Variants in TSHZ3 observed in about 807,000 individuals in gnomAD.
TSHZ3 encodes teashirt zinc finger homeobox 3.
A neutral mutation model predicts 64.5 loss-of-function variants in TSHZ3; 10 were observed. The observed-to-expected ratio is 0.16, with a 90% CI of 0.10 to 0.26. The LOEUF (loss-of-function observed/expected upper bound fraction) is 0.26. Among genes scored for constraint, TSHZ3 ranks in the 10% least tolerant of loss-of-function variants. TSHZ3 has a pLI of 1.00. For synonymous variants in TSHZ3, 608 were observed against 593.1 expected (o/e 1.03, Z -0.36); for missense variants, 1,242 against 1,421.7 (o/e 0.87, Z 2.03).
intron 1 of TSHZ3, among the ~76,000 whole-genome samples, chr19:31,301,720 C>T (rs769616741): frequency 5.3e-5 from 8 of 152,084 alleles, no homozygotes; most frequent in Non-Finnish European, 7.4e-5. Context: ...CGGATTTTTC[C>T]GGACATGTTT....
chr19:31,166,152 G>T (rs888734633), intron 5 of TSHZ3, among the ~76,000 whole-genome samples: 1 of 152,186 alleles, frequency 6.6e-6, no homozygotes, highest in East Asian at 1.9e-4. Context: ...ACAGTGCTCG[G>T]GGCTGGGAGG....
chr19:31,347,221 G>A (rs2145204911), intron 1 of TSHZ3, among the ~76,000 whole-genome samples: 2 of 149,894 alleles, frequency 1.3e-5, no homozygotes, highest in East Asian at 2.0e-4. Flanking sequence ...GAAAAGGTTA[G>A]TGAACAGGTT....
rs548048088 is a variant in TSHZ3, at chr19:31,216,711, A to G, written n.686+11294T>C. ...GAGTGCAGTGGTGCGATCTCGGCTCACTGCAAGCTCTGCCTCCCGGGTTCA... is the reference window on the plus strand; with the variant it reads ...GAGTGCAGTGGTGCGATCTCGGCTCGCTGCAAGCTCTGCCTCCCGGGTTCA... On this transcript the variant is annotated intron_variant and non_coding_transcript_variant, in intron 4 of 6. Transcript: ENST00000651361. 3.4e-4 allele frequency among the ~76,000 whole-genome samples: 51 copies of G among 152,178 alleles called. No homozygotes were observed. The South Asian group carries it at 0.011, about 32-fold the overall frequency.
chr19:31,251,627 C>G (rs1040372754), intron 1 of TSHZ3, among the ~76,000 whole-genome samples: 1 of 152,182 alleles, frequency 6.6e-6, no homozygotes. Flanking sequence ...CCAACCCTGC[C>G]GTGATATGGG....
At chr19:31,254,770 C>T (rs573028584) in intron 1 of TSHZ3, among the ~76,000 whole-genome samples, 2 of 152,240 alleles carry the variant, frequency 1.3e-5, no homozygotes, top group Admixed American at 1.3e-4. Context: ...GGGGCTAGTG[C>T]GTGTCTAAGG....
chr19:31,283,944 C>G lies in TSHZ3; in HGVS notation c.41-4192G>C, dbSNP rs541479018. Among the ~76,000 whole-genome samples the G allele has an allele frequency of 3.9e-5, 6 of 152,276 alleles. No homozygotes were observed. In the East Asian group the frequency reaches 9.7e-4, roughly 25 times the overall value. On this transcript the variant is annotated intron_variant, in intron 1 of 1. Coordinates refer to ENST00000240587, the MANE Select transcript of TSHZ3 (RefSeq NM_020856.4). ...CAACAGGGGTGTGGGGCAGGGCTGTCGAGAACCTGGTCCCCACCAGGCTGG... is the reference window on the plus strand; with the variant it reads ...CAACAGGGGTGTGGGGCAGGGCTGTGGAGAACCTGGTCCCCACCAGGCTGG...
rs1396721308 is a variant in TSHZ3, at chr19:31,156,669, C to T, written n.810-252G>A. On this transcript the variant is annotated intron_variant and non_coding_transcript_variant, in intron 5 of 6. Transcript: ENST00000651361. ...TGATTTCCTGCATTGCAAAATCATT[C>T]CCAGGGTCATCAGTATCAAAGCCAA... Among the ~76,000 whole-genome samples, 3 of 152,144 alleles carry T rather than the reference C, an allele frequency of 2.0e-5. 1 individual carries two copies. The highest frequency in any genetic ancestry group is 2.9e-5 in the Non-Finnish European group (2 of 68,028).
At chr19:31,294,853 A>G (rs758257856) in intron 1 of TSHZ3, among the ~76,000 whole-genome samples, 23 of 152,198 alleles carry the variant, frequency 1.5e-4, no homozygotes, top group Admixed American at 2.6e-4. Flanking sequence ...AAAGAGAGAG[A>G]GAAAAGAAAC....
intron 6 of TSHZ3, among the ~76,000 whole-genome samples, chr19:31,156,325 T>C (rs1022849497): frequency 6.6e-6 from 1 of 152,210 alleles, no homozygotes; most frequent in Non-Finnish European, 1.5e-5. Context: ...TTAGCACTTG[T>C]GTAACAATAA....
At chr19:31,162,660 G>A (rs956625874) in intron 5 of TSHZ3, among the ~76,000 whole-genome samples, 4 of 152,052 alleles carry the variant, frequency 2.6e-5, no homozygotes, top group African/African-American at 7.2e-5. Flanking sequence ...CCCTATGCAG[G>A]TACTCACAAT....
chr19:31,340,354 A>G, intron 1 of TSHZ3, among the ~76,000 whole-genome samples: 1 of 149,592 alleles, frequency 6.7e-6, no homozygotes, highest in Non-Finnish European at 1.5e-5. Context: ...AAAAAAAAAA[A>G]AAAAAAAAAA....
At position 31,276,510 on chromosome 19, in the gene TSHZ3, C is replaced by G. The variant is rs747303984; in HGVS notation, c.*37G>C. ...TGAAGGTGCCTTCCACAGTTTCCCT[C>G]AAAGCAAACTGCAGTCCTTTCTATC... On this transcript the variant is annotated 3_prime_UTR_variant, in exon 2 of 2. Coordinates refer to ENST00000240587, the MANE Select transcript of TSHZ3 (RefSeq NM_020856.4). The G allele has an allele frequency of 5.3e-6, 8 of 1,515,004 alleles. No homozygotes were observed. The highest frequency in any genetic ancestry group is 7.1e-6 in the Non-Finnish European group (8 of 1,129,510). 93.8% of individuals were successfully genotyped at this position (1,515,004 alleles called of 1,614,324 possible).
chr19:31,290,770 G>A (rs1976551112), intron 1 of TSHZ3, among the ~76,000 whole-genome samples: 1 of 152,050 alleles, frequency 6.6e-6, no homozygotes, highest in Non-Finnish European at 1.5e-5. Flanking sequence ...AAGGGCCAGA[G>A]GATCCAGAAG....
intron 5 of TSHZ3, among the ~76,000 whole-genome samples, chr19:31,159,088 C>T (rs1300117741): frequency 6.6e-6 from 1 of 152,212 alleles, no homozygotes; most frequent in East Asian, 1.9e-4. Context: ...CAACCTCCGC[C>T]TCCTGGGTTC....
At chr19:31,321,402 C>G (rs773141056) in intron 1 of TSHZ3, among the ~76,000 whole-genome samples, 1 of 152,222 alleles carries the variant, frequency 6.6e-6, no homozygotes, top group African/African-American at 2.4e-5. Flanking sequence ...ACATGGCTCA[C>G]CACTGAAGCA....
chr19:31,281,077 A>G (rs1301989348), intron 1 of TSHZ3, among the ~76,000 whole-genome samples: 1 of 152,296 alleles, frequency 6.6e-6, no homozygotes, highest in African/African-American at 2.4e-5. Context: ...CCAGTGGGGA[A>G]GTGTGTTAAG....
intron 1 of TSHZ3, among the ~76,000 whole-genome samples, chr19:31,296,327 A>ATT (rs35057697): frequency 8.9e-4 from 84 of 93,992 alleles, no homozygotes; most frequent in Non-Finnish European, 1.3e-3. Context: ...AGTGCTGTGA[A>ATT]TTTTTTTTTT....
intron 4 of TSHZ3, among the ~76,000 whole-genome samples, chr19:31,222,634 G>A (rs914528089): frequency 1.3e-5 from 2 of 152,186 alleles, no homozygotes; most frequent in African/African-American, 4.8e-5. Context: ...TTCAGCTTCA[G>A]TTTCTTTTCT....
intron 4 of TSHZ3, among the ~76,000 whole-genome samples, chr19:31,206,314 T>C (rs939494871): frequency 6.6e-6 from 1 of 151,810 alleles, no homozygotes; most frequent in Admixed American, 6.6e-5. Flanking sequence ...GGTGGGTGGA[T>C]GGATGGATGG....
Sources: allele counts gnomAD v4.1 joint callset (sites outside exome capture counted in the v4.1 genomes callset), GRCh38; gene constraint gnomAD v4.1.1; transcripts MANE v1.5; gene names NCBI Gene and HGNC (gene_info 2026-07-23, HGNC 2026-07-21).